The following PALLD variants were observed in gnomAD, a reference collection of about 807,000 sequenced individuals.
PALLD encodes the protein palladin.
A neutral mutation model predicts 123.5 loss-of-function variants in PALLD; 61 were observed. The ratio of observed to expected loss-of-function variants is 0.49; its 90% CI spans 0.40 to 0.61. The LOEUF (loss-of-function observed/expected upper bound fraction) is 0.61, where lower values mean the gene tolerates loss of function less well. PALLD is among the 20% of genes least tolerant of loss of function. The pLI is 0.00. For synonymous variants in PALLD, 465 were observed against 496.4 expected (o/e 0.94, Z 0.84); for missense variants, 1,273 against 1,377.0 (o/e 0.92, Z 1.20).
Position 168,499,180 on chromosome 4 carries a change from CAAAAAAA to C in PALLD, c.-83+2006_-83+2012del, listed in dbSNP as rs1157137965. ...TTTTGCCCTAAAGGACCCTTTGTAG[CAAAAAAA>C]AAAAAAAAAAAAAAAAAAAGGAAGG... On this transcript the variant is annotated intron_variant, in intron 1 of 21. Transcript: ENST00000505667. Among the ~76,000 whole-genome samples, 63 of 16,384 alleles carry C rather than the reference CAAAAAAA, an allele frequency of 3.8e-3. 2 individuals carry two copies. The highest frequency in any genetic ancestry group is 5.6e-3 in the Non-Finnish European group (55 of 9,842). 10.7% of individuals were successfully genotyped at this position (16,384 alleles called of 152,430 possible).
chr4:168,503,313 G>T (rs1272778463), intron 1 of PALLD, among the ~76,000 whole-genome samples: 1 of 152,142 alleles, frequency 6.6e-6, no homozygotes, highest in Non-Finnish European at 1.5e-5. Flanking sequence ...ACCAAAAAGT[G>T]GTAAAATTTA....
chr4:168,765,393 A>G (rs540105423), intron 10 of PALLD, among the ~76,000 whole-genome samples: 1 of 152,286 alleles, frequency 6.6e-6, no homozygotes, highest in South Asian at 2.1e-4. Flanking sequence ...TTATAGGGAA[A>G]GGGAACACAA....
intron 10 of PALLD, among the ~76,000 whole-genome samples, chr4:168,733,828 A>G (rs1393806687): frequency 6.6e-6 from 1 of 152,056 alleles, no homozygotes; most frequent in Non-Finnish European, 1.5e-5. Flanking sequence ...TCCGCCTCCC[A>G]GGTTCATGCC....
chr4:168,503,646 C>CAA (rs35693126), intron 1 of PALLD, among the ~76,000 whole-genome samples: 15,938 of 111,434 alleles, frequency 0.14, 1,035 homozygotes, highest in South Asian at 0.27. Flanking sequence ...GACTCCATCT[C>CAA]AAAAAAAAAA....
intron 10 of PALLD, among the ~76,000 whole-genome samples, chr4:168,833,286 A>G (rs1460722934): frequency 6.6e-6 from 1 of 150,568 alleles, no homozygotes; most frequent in Admixed American, 6.6e-5. Flanking sequence ...GGGCTCGGGC[A>G]TCTTCCCACC....
intron 2 of PALLD, chr4:168,537,584 A>T (rs554801387): frequency 1.3e-4 from 20 of 152,328 alleles, no homozygotes; most frequent in African/African-American, 4.6e-4. Context: ...GAAATTCCTC[A>T]TATTGAATCA....
chr4:168,767,414 C>A (rs74662269), intron 10 of PALLD, among the ~76,000 whole-genome samples: 5 of 152,156 alleles, frequency 3.3e-5, no homozygotes, highest in Admixed American at 1.3e-4. Flanking sequence ...TGAACAATAG[C>A]TGCCCAAATT....
chr4:168,896,078 C>T (rs1424584087), intron 12 of PALLD, among the ~76,000 whole-genome samples: 1 of 152,042 alleles, frequency 6.6e-6, no homozygotes. Context: ...GGTGTGGTGG[C>T]GTGCGCCTGT....
chr4:168,549,046 T>C (rs72697230), intron 2 of PALLD, among the ~76,000 whole-genome samples: 17,840 of 151,782 alleles, frequency 0.12, 1,427 homozygotes, highest in South Asian at 0.17. Flanking sequence ...GAAAAAAAAA[T>C]TAAAAAAGAA....
intron 2 of PALLD, among the ~76,000 whole-genome samples, chr4:168,624,097 T>C (rs771992916): frequency 1.3e-5 from 2 of 152,104 alleles, no homozygotes; most frequent in Non-Finnish European, 2.9e-5. Context: ...GATAGAAACA[T>C]TACAAATAAT....
chr4:168,821,418 A>C (rs1173785815), intron 10 of PALLD, among the ~76,000 whole-genome samples: 1 of 151,310 alleles, frequency 6.6e-6, no homozygotes, highest in African/African-American at 2.4e-5. Flanking sequence ...TTTTTTTTTC[A>C]TCATTCATCC....
At chr4:168,781,722 G>A (rs1735954546) in intron 10 of PALLD, among the ~76,000 whole-genome samples, 1 of 152,128 alleles carries the variant, frequency 6.6e-6, no homozygotes. Flanking sequence ...GATACCAGGA[G>A]AGGAATATAG....
intron 2 of PALLD, among the ~76,000 whole-genome samples, chr4:168,553,686 T>TTTG (rs147504799): frequency 6.6e-5 from 10 of 151,762 alleles, no homozygotes; most frequent in South Asian, 2.1e-4. Context: ...TTTACCCATT[T>TTTG]TTGTTGTTGT....
chr4:168,577,376 G>T (rs1048598748), intron 2 of PALLD, among the ~76,000 whole-genome samples: 10 of 152,112 alleles, frequency 6.6e-5, no homozygotes, highest in Non-Finnish European at 1.3e-4. Flanking sequence ...TGGAAATATA[G>T]AGTCCTTCTC....
chr4:168,647,412 C>G (rs1464600903), intron 2 of PALLD, among the ~76,000 whole-genome samples: 1 of 152,110 alleles, frequency 6.6e-6, no homozygotes, highest in African/African-American at 2.4e-5. Context: ...AAAGATGTTT[C>G]TAAGGCTGCT....
At position 168,877,682 on chromosome 4, in the gene PALLD, C is replaced by T. The variant is rs78200146; in HGVS notation, c.1965-13240C>T. ...CACTCCTGGAATACACGTTCCTGGC[C>T]GTTCCATCTCTGAAGGTGTCACTTC... On this transcript the variant is annotated intron_variant, in intron 10 of 21. Transcript: ENST00000505667. 3.4e-3 allele frequency: 3,473 copies of T among 1,025,266 alleles called. 17 individuals carry two copies. The highest frequency in any genetic ancestry group is 5.0e-3 in the Admixed American group (96 of 19,204). The allele number at this position is 1,025,266 out of a possible 1,614,324, so 63.5% of individuals were successfully genotyped here. A position where few individuals can be genotyped will look rare whatever the true frequency, so the allele number is the denominator to read the frequency against.
intron 10 of PALLD, among the ~76,000 whole-genome samples, chr4:168,828,151 T>TA (rs2150831264): frequency 6.6e-6 from 1 of 152,294 alleles, no homozygotes; most frequent in African/African-American, 2.4e-5. Flanking sequence ...TCTGAGGAAA[T>TA]ACATAGCAAA....
chr4:168,670,780 AAAAAAAAAC>A (rs1780176408), intron 3 of PALLD, among the ~76,000 whole-genome samples: 2 of 136,836 alleles, frequency 1.5e-5, no homozygotes, highest in Non-Finnish European at 1.5e-5. Context: ...AAAAACAAAA[AAAAAAAAAC>A]AAAAAAAACA....
chr4:168,542,798 C>A (rs2149514564), intron 2 of PALLD, among the ~76,000 whole-genome samples: 1 of 138,136 alleles, frequency 7.2e-6, no homozygotes, highest in South Asian at 2.3e-4. Context: ...TAGGCAGATA[C>A]CAACCTTGGG....
Sources: allele counts gnomAD v4.1 joint callset (sites outside exome capture counted in the v4.1 genomes callset), GRCh38; gene constraint gnomAD v4.1.1; transcripts MANE v1.5; gene names NCBI Gene and HGNC (gene_info 2026-07-23, HGNC 2026-07-21).